PITPNC1: variants seen among roughly 807,000 people sequenced by gnomAD.
The protein encoded by PITPNC1 is phosphatidylinositol transfer protein cytoplasmic 1.
A neutral mutation model predicts 44.7 loss-of-function variants in PITPNC1; 18 were observed. The observed-to-expected ratio is 0.40, with a 90% CI of 0.28 to 0.60. The LOEUF is 0.60. Ranked by LOEUF, PITPNC1 falls within the 20% of genes least tolerant of loss-of-function variation. PITPNC1 has a pLI of 0.39. For synonymous variants in PITPNC1, 141 were observed against 149.6 expected (o/e 0.94, Z 0.42); for missense variants, 290 against 418.4 (o/e 0.69, Z 2.68).
chr17:67,661,737 G>T (rs777485058), intron 6 of PITPNC1, among the ~76,000 whole-genome samples: 5 of 152,188 alleles, frequency 3.3e-5, no homozygotes, highest in Non-Finnish European at 7.3e-5. Flanking sequence ...AGTGGCTCAC[G>T]CCTGTAATCC....
chr17:67,657,731 C>CTA (rs2144379429), intron 6 of PITPNC1, among the ~76,000 whole-genome samples: 1 of 152,268 alleles, frequency 6.6e-6, no homozygotes, highest in South Asian at 2.1e-4. Context: ...AAATATAATT[C>CTA]TATACTTTTG....
chr17:67,604,566 T>G (rs1032973471), intron 5 of PITPNC1, among the ~76,000 whole-genome samples: 1 of 152,156 alleles, frequency 6.6e-6, no homozygotes, highest in African/African-American at 2.4e-5. Context: ...GTGGATAGCT[T>G]GAGGTCAGGA....
intron 4 of PITPNC1, among the ~76,000 whole-genome samples, chr17:67,564,884 C>A (rs1312518196): frequency 6.6e-6 from 1 of 152,034 alleles, no homozygotes; most frequent in East Asian, 1.9e-4. Flanking sequence ...AAAAGAACTT[C>A]ATAATTTCCA....
chr17:67,661,004 G>A (rs916002180), intron 6 of PITPNC1, among the ~76,000 whole-genome samples: 8 of 147,882 alleles, frequency 5.4e-5, no homozygotes, highest in East Asian at 3.9e-4. Context: ...GACTACAGGC[G>A]CCCGCCACCA....
chr17:67,513,363 C>CTATATCTATATCTA (rs1333853734), intron 1 of PITPNC1, among the ~76,000 whole-genome samples: 516 of 41,820 alleles, frequency 0.012, 5 homozygotes, highest in African/African-American at 0.031. Context: ...GTATCTATAT[C>CTATATCTATATCTA]TATATCTATA....
intron 1 of PITPNC1, among the ~76,000 whole-genome samples, chr17:67,449,430 C>T (rs79151613): frequency 0.048 from 7,259 of 152,216 alleles, 229 homozygotes; most frequent in South Asian, 0.081. Flanking sequence ...TATTTTGAAG[C>T]CTTGCTGACG....
chr17:67,471,267 C>G (rs539393935), intron 1 of PITPNC1, among the ~76,000 whole-genome samples: 3 of 144,326 alleles, frequency 2.1e-5, no homozygotes, highest in Non-Finnish European at 3.0e-5. Context: ...GAAATTCATC[C>G]ATATTATTGG....
intron 7 of PITPNC1, among the ~76,000 whole-genome samples, chr17:67,672,589 A>ACT (rs536354579): frequency 4.2e-4 from 53 of 124,996 alleles, no homozygotes; most frequent in African/African-American, 1.5e-3. Context: ...ACAGAGCAAG[A>ACT]CTCTGTCTCC....
At chr17:67,514,641 A>G (rs893656455) in intron 1 of PITPNC1, among the ~76,000 whole-genome samples, 1 of 151,240 alleles carries the variant, frequency 6.6e-6, no homozygotes, top group Non-Finnish European at 1.5e-5. Flanking sequence ...CCTGGCCAAC[A>G]TGGTGAAACC....
Position 67,590,005 on chromosome 17 carries a change from AG to A in PITPNC1, c.366+11749del, listed in dbSNP as rs201402746. On this transcript the variant is annotated intron_variant, in intron 5 of 8. Transcript: ENST00000581322. ...AAGGAAAGGAAGAACAGGAAAAAAA[AG>A]ACATGCAGAGAGGACAAACCAGAAA... Among the ~76,000 whole-genome samples, 359 of 152,130 alleles carry A rather than the reference AG, an allele frequency of 2.4e-3. 2 individuals carry two copies. The highest frequency in any genetic ancestry group is 0.014 in the Middle Eastern group (4 of 294).
chr17:67,689,609 C>A lies in PITPNC1; in HGVS notation c.683-2963C>A, dbSNP rs2042883799. 2.0e-5 allele frequency among the ~76,000 whole-genome samples: 3 copies of A among 152,096 alleles called. No homozygotes were observed. In the South Asian group the frequency reaches 6.2e-4, roughly 32 times the overall value. ...AGGGACAAATTAGATTGAAATTAGG[C>A]AAAATTAACATCCATGAACACAGCA... On this transcript the variant is annotated intron_variant, in intron 8 of 8. Transcript: ENST00000581322.
chr17:67,420,679 G>A (rs1427703352), intron 1 of PITPNC1, among the ~76,000 whole-genome samples: 2 of 152,008 alleles, frequency 1.3e-5, no homozygotes, highest in Non-Finnish European at 1.5e-5. Flanking sequence ...TAAACTGCCC[G>A]CCTCAGCCTC....
At chr17:67,440,014 AGTCT>A (rs1214168512) in intron 1 of PITPNC1, among the ~76,000 whole-genome samples, 7 of 152,140 alleles carry the variant, frequency 4.6e-5, no homozygotes, top group Non-Finnish European at 7.3e-5. Context: ...GAAGATGAAA[AGTCT>A]GTCTGAAATG....
At chr17:67,663,682 C>T (rs2042381079) in intron 6 of PITPNC1, among the ~76,000 whole-genome samples, 1 of 152,068 alleles carries the variant, frequency 6.6e-6, no homozygotes, top group Admixed American at 6.5e-5. Flanking sequence ...AGAGGCAGTG[C>T]TCCACTCATT....
intron 2 of PITPNC1, among the ~76,000 whole-genome samples, chr17:67,540,069 CATTTT>C (rs60946208): frequency 0.61 from 87,895 of 143,908 alleles, 27,472 homozygotes; most frequent in East Asian, 0.8. Context: ...GTATCTACTA[CATTTT>C]ATTTTATTTT....
intron 1 of PITPNC1, among the ~76,000 whole-genome samples, chr17:67,391,086 TTTAATCTTTTTAA>T (rs2038132102): frequency 6.6e-6 from 1 of 151,750 alleles, no homozygotes; most frequent in Admixed American, 6.6e-5. Flanking sequence ...TGTGTGTGTG[TTTAATCTTTTTAA>T]GTTTGGGTGA....
intron 1 of PITPNC1, among the ~76,000 whole-genome samples, chr17:67,378,518 A>C (rs1438459429): frequency 6.6e-6 from 1 of 151,858 alleles, no homozygotes; most frequent in East Asian, 2.0e-4. Flanking sequence ...GAATAAACCA[A>C]ACCCAAGAGC....
At chr17:67,636,604 G>T (rs2042036291) in intron 6 of PITPNC1, among the ~76,000 whole-genome samples, 1 of 152,188 alleles carries the variant, frequency 6.6e-6, no homozygotes, top group African/African-American at 2.4e-5. Flanking sequence ...GTACCACTGG[G>T]AGCCTGCAAT....
At chr17:67,598,747 G>T (rs1275025017) in intron 5 of PITPNC1, among the ~76,000 whole-genome samples, 1 of 151,784 alleles carries the variant, frequency 6.6e-6, no homozygotes, top group African/African-American at 2.4e-5. Flanking sequence ...AAAAAAATTA[G>T]CTGGGCATGG....
Sources: allele counts gnomAD v4.1 joint callset (sites outside exome capture counted in the v4.1 genomes callset), GRCh38; gene constraint gnomAD v4.1.1; transcripts MANE v1.5; gene names NCBI Gene and HGNC (gene_info 2026-07-23, HGNC 2026-07-21).